The following PDE10A variants were observed in gnomAD, a reference collection of about 807,000 sequenced individuals.
The protein encoded by PDE10A is cAMP and cAMP-inhibited cGMP 3',5'-cyclic phosphodiesterase 10A.
Under a neutral mutation model 97.7 loss-of-function variants are expected in PDE10A, and 39 were observed. The observed-to-expected ratio is 0.40, with a 90% CI of 0.31 to 0.52. The LOEUF (loss-of-function observed/expected upper bound fraction) is 0.52. PDE10A is among the 20% of genes least tolerant of loss of function. The pLI, the probability that PDE10A is intolerant of heterozygous loss-of-function variation, is 0.56. For synonymous variants in PDE10A, 371 were observed against 376.8 expected (o/e 0.98, Z 0.18); for missense variants, 731 against 1,047.8 (o/e 0.70, Z 4.17).
chr6:165,868,034 G>T (rs1781106347), intron 1 of PDE10A, among the ~76,000 whole-genome samples: 1 of 152,012 alleles, frequency 6.6e-6, no homozygotes, highest in Non-Finnish European at 1.5e-5. Context: ...GGAGTGCTAA[G>T]AGGAAAATTT....
At chr6:165,556,451 A>G (rs1001676100) in intron 1 of PDE10A, among the ~76,000 whole-genome samples, 2 of 152,226 alleles carry the variant, frequency 1.3e-5, no homozygotes, top group African/African-American at 2.4e-5. Context: ...TTGTATTGTG[A>G]CATAGTTCAA....
chr6:165,487,381 G>C (rs1449372598), intron 2 of PDE10A, among the ~76,000 whole-genome samples: 2 of 152,150 alleles, frequency 1.3e-5, no homozygotes, highest in African/African-American at 4.8e-5. Flanking sequence ...CTGTCTAGTT[G>C]CAGGGAAAAA....
chr6:165,909,098 A>G (rs533412874), intron 1 of PDE10A: 68 of 152,272 alleles, frequency 4.5e-4, no homozygotes, highest in African/African-American at 1.6e-3. Context: ...ATTCATGGAA[A>G]TGTTGAAAAA....
chr6:165,481,670 T>C (rs1779612463), intron 3 of PDE10A, among the ~76,000 whole-genome samples: 1 of 152,226 alleles, frequency 6.6e-6, no homozygotes. Flanking sequence ...TCACTTATAA[T>C]TTTATAGCAT....
chr6:165,479,106 T>A (rs1779456387), intron 3 of PDE10A, among the ~76,000 whole-genome samples: 1 of 152,150 alleles, frequency 6.6e-6, no homozygotes, highest in Non-Finnish European at 1.5e-5. Flanking sequence ...AAAATCAGCT[T>A]CTAAGTAGAC....
At chr6:165,665,094 C>A (rs889379548), upstream of PDE10A, among the ~76,000 whole-genome samples, 3 of 152,114 alleles carry the variant, frequency 2.0e-5, no homozygotes, top group African/African-American at 7.2e-5. Context: ...GGACGTTTTC[C>A]TGGACAAATT....
chr6:165,612,242 G>A (rs774960276), intron 1 of PDE10A, among the ~76,000 whole-genome samples: 11 of 152,128 alleles, frequency 7.2e-5, no homozygotes, highest in Non-Finnish European at 1.6e-4. Flanking sequence ...GGCAACCCTA[G>A]GGGAGGATCT....
intron 1 of PDE10A, among the ~76,000 whole-genome samples, chr6:165,917,878 TC>T (rs1782651328): frequency 6.6e-6 from 1 of 152,178 alleles, no homozygotes; most frequent in African/African-American, 2.4e-5. Context: ...CTCCCTCTTT[TC>T]TTGCTGAGTC....
chr6:165,566,487 T>G (rs1331117202), intron 1 of PDE10A, among the ~76,000 whole-genome samples: 1 of 152,220 alleles, frequency 6.6e-6, no homozygotes, highest in African/African-American at 2.4e-5. Context: ...GAAATGGTAC[T>G]CTGGAAGACA....
chr6:165,633,921 T>C (rs953999868), intron 1 of PDE10A, among the ~76,000 whole-genome samples: 3 of 152,180 alleles, frequency 2.0e-5, no homozygotes, highest in Non-Finnish European at 2.9e-5. Flanking sequence ...GTGATATATA[T>C]AACCTGAATC....
intron 2 of PDE10A, among the ~76,000 whole-genome samples, chr6:165,508,969 G>A (rs982109372): frequency 2.0e-4 from 30 of 151,894 alleles, no homozygotes; most frequent in African/African-American, 7.0e-4. Flanking sequence ...TCAGCGATGT[G>A]CTTCCCATCT....
chr6:165,550,402 C>T (rs1177038405), intron 1 of PDE10A, among the ~76,000 whole-genome samples: 1 of 152,170 alleles, frequency 6.6e-6, no homozygotes, highest in Non-Finnish European at 1.5e-5. Flanking sequence ...TTTTCAGCTT[C>T]TTACAGTGTC....
chr6:165,479,209 C>T (rs1670287348), intron 3 of PDE10A, among the ~76,000 whole-genome samples: 1 of 152,142 alleles, frequency 6.6e-6, no homozygotes, highest in African/African-American at 2.4e-5. Context: ...GATCCTAGTT[C>T]ACCATTACAA....
At chr6:165,953,941 G>A (rs213997) in intron 1 of PDE10A, among the ~76,000 whole-genome samples, 88,928 of 151,970 alleles carry the variant, frequency 0.59, 26,567 homozygotes, top group South Asian at 0.67. Context: ...CCCGAGCCCC[G>A]GCAACCACTG....
chr6:165,807,639 T>C (rs373408291), intron 1 of PDE10A, among the ~76,000 whole-genome samples: 22 of 152,242 alleles, frequency 1.4e-4, no homozygotes, highest in African/African-American at 5.3e-4. Flanking sequence ...CTCCTGTTTA[T>C]CTAGAGCTTT....
intron 3 of PDE10A, among the ~76,000 whole-genome samples, chr6:165,469,331 T>C (rs1377166072): frequency 6.6e-6 from 1 of 152,214 alleles, no homozygotes; most frequent in Non-Finnish European, 1.5e-5. Context: ...GGTGTTGTAT[T>C]CAATTAGGTA....
chr6:165,386,042 T>C (rs891601627), intron 17 of PDE10A, among the ~76,000 whole-genome samples: 1 of 152,200 alleles, frequency 6.6e-6, no homozygotes, highest in Non-Finnish European at 1.5e-5. Context: ...CATGCCTTTT[T>C]GAATGCCAAC....
At chr6:165,983,936 T>C (rs1435443039) in intron 1 of PDE10A, among the ~76,000 whole-genome samples, 2 of 152,240 alleles carry the variant, frequency 1.3e-5, no homozygotes, top group African/African-American at 2.4e-5. Flanking sequence ...CGTGTATTCA[T>C]ATAGCCATAT....
chr6:165,406,353 TG>T, intron 13 of PDE10A, among the ~76,000 whole-genome samples: 1 of 152,026 alleles, frequency 6.6e-6, no homozygotes, highest in Middle Eastern at 3.4e-3. Flanking sequence ...GATGTATTTT[TG>T]ATATTTCTTA....
Sources: gnomAD v4.1 joint callset for allele counts (sites outside exome capture counted in the v4.1 genomes callset) on GRCh38, gnomAD v4.1.1 for gene constraint, MANE v1.5 for transcripts, NCBI Gene and HGNC (gene_info 2026-07-23, HGNC 2026-07-21) for gene names.